Variants in ZNF679 observed in about 807,000 individuals in gnomAD.
The protein encoded by ZNF679 is zinc finger protein 679, also known as hypothetical protein MGC42415.
A neutral mutation model predicts 13.4 loss-of-function variants in ZNF679; 10 were observed. The ratio of observed to expected loss-of-function variants is 0.75; its 90% CI spans 0.46 to 1.27. The LOEUF (loss-of-function observed/expected upper bound fraction) is 1.27, where lower values mean the gene tolerates loss of function less well. ZNF679 is among the 50% of genes most tolerant of loss of function. The pLI, the probability that ZNF679 is intolerant of heterozygous loss-of-function variation, is 0.00. For missense variants in ZNF679, 525 were observed against 477.8 expected (o/e 1.10, Z -0.92); for synonymous variants, 179 against 162.5 (o/e 1.10, Z -0.77).
chr7:64,236,979 GA>G (rs1268834266), intron 1 of ZNF679, among the ~76,000 whole-genome samples: 1 of 64,318 alleles, frequency 1.6e-5, no homozygotes, highest in African/African-American at 6.1e-5. Flanking sequence ...GAAAGAAAAA[GA>G]AAGAAAGAAA....
intron 1 of ZNF679, among the ~76,000 whole-genome samples, chr7:64,240,831 A>G (rs1787789160): frequency 6.6e-6 from 1 of 152,200 alleles, no homozygotes; most frequent in Admixed American, 6.5e-5. Context: ...GATTGAGTTC[A>G]ACTATGCAAG....
chr7:64,240,113 A>G (rs1231676953), intron 1 of ZNF679, among the ~76,000 whole-genome samples: 1 of 152,176 alleles, frequency 6.6e-6, no homozygotes, highest in Non-Finnish European at 1.5e-5. Flanking sequence ...ATTGTGATAT[A>G]TATTGCTTGG....
intron 1 of ZNF679, among the ~76,000 whole-genome samples, chr7:64,236,922 G>GAAGAAAGAAAGAAAGAAAGAAAGAAAGA (rs1290345784): frequency 5.9e-5 from 5 of 85,336 alleles, no homozygotes; most frequent in African/African-American, 1.0e-4. Context: ...AAGAAAGAAA[G>GAAGAAAGAAAGAAAGAAAGAAAGAAAGA]AAGAAAGAAA....
At chr7:64,263,349 C>T (rs1352000521) in intron 4 of ZNF679, among the ~76,000 whole-genome samples, 1 of 152,168 alleles carries the variant, frequency 6.6e-6, no homozygotes, top group African/African-American at 2.4e-5. Context: ...CCTTGGCCTC[C>T]CAAAGTGCTG....
chr7:64,237,064 G>C (rs1360630244), intron 1 of ZNF679, among the ~76,000 whole-genome samples: 2 of 152,076 alleles, frequency 1.3e-5, no homozygotes, highest in Non-Finnish European at 2.9e-5. Context: ...TGAAAAGACT[G>C]GTTAGGGCTA....
intron 1 of ZNF679, among the ~76,000 whole-genome samples, chr7:64,248,615 C>T (rs1344886936): frequency 1.3e-5 from 2 of 152,066 alleles, no homozygotes; most frequent in Non-Finnish European, 2.9e-5. Flanking sequence ...TGGGTGGAGC[C>T]ACAGAGCCAA....
intron 1 of ZNF679, among the ~76,000 whole-genome samples, chr7:64,229,818 G>A (rs1787611790): frequency 6.6e-6 from 1 of 152,104 alleles, no homozygotes. Flanking sequence ...TCAGAGTGTG[G>A]ATCAGGTAAA....
chr7:64,237,687 C>G (rs944221342), intron 1 of ZNF679, among the ~76,000 whole-genome samples: 3 of 152,202 alleles, frequency 2.0e-5, no homozygotes, highest in African/African-American at 7.2e-5. Flanking sequence ...CATCAGGACT[C>G]AGTTCCTCAA....
intron 1 of ZNF679, among the ~76,000 whole-genome samples, chr7:64,239,914 G>A (rs1234428889): frequency 1.3e-5 from 2 of 152,060 alleles, no homozygotes; most frequent in Admixed American, 1.3e-4. Flanking sequence ...GCCCAGTACT[G>A]GGTGAAGTTA....
At chr7:64,264,279 G>A (rs1357768290) in intron 4 of ZNF679, among the ~76,000 whole-genome samples, 1 of 151,652 alleles carries the variant, frequency 6.6e-6, no homozygotes, top group African/African-American at 2.4e-5. Context: ...CAGTTGCATA[G>A]AAAAATTTGT....
chr7:64,229,416 A>G (rs888889336), intron 1 of ZNF679, among the ~76,000 whole-genome samples: 1 of 152,184 alleles, frequency 6.6e-6, no homozygotes, highest in African/African-American at 2.4e-5. Context: ...GAGTTAGTCA[A>G]GAAATGACTT....
At chr7:64,236,921 AGAAGAAAG>A (rs1243340964) in intron 1 of ZNF679, among the ~76,000 whole-genome samples, 1 of 111,974 alleles carries the variant, frequency 8.9e-6, no homozygotes, top group African/African-American at 3.3e-5. Flanking sequence ...AAAGAAAGAA[AGAAGAAAG>A]AAAGAAAGAA....
At chr7:64,231,042 C>A (rs1787631774) in intron 1 of ZNF679, among the ~76,000 whole-genome samples, 1 of 152,146 alleles carries the variant, frequency 6.6e-6, no homozygotes, top group African/African-American at 2.4e-5. Flanking sequence ...GTTGGCCGTG[C>A]CTATGAGAGT....
intron 2 of ZNF679, among the ~76,000 whole-genome samples, chr7:64,259,980 T>C (rs1412848786): frequency 1.3e-5 from 2 of 152,072 alleles, no homozygotes; most frequent in Non-Finnish European, 2.9e-5. Context: ...ATGTGCATAT[T>C]GATGCCCTTA....
At chr7:64,229,638 A>C (rs940500536) in intron 1 of ZNF679, among the ~76,000 whole-genome samples, 1 of 152,166 alleles carries the variant, frequency 6.6e-6, no homozygotes, top group Non-Finnish European at 1.5e-5. Flanking sequence ...TGGACTTTAT[A>C]AAATATTTAT....
chr7:64,237,633 C>T (rs1302114407), intron 1 of ZNF679, among the ~76,000 whole-genome samples: 1 of 152,166 alleles, frequency 6.6e-6, no homozygotes, highest in African/African-American at 2.4e-5. Context: ...GGGTGTTCAA[C>T]AACTCAATTC....
intron 2 of ZNF679, 38 bp downstream of exon 2, chr7:64,249,194 G>A (rs570579532): frequency 2.5e-6 from 4 of 1,614,030 alleles, no homozygotes; most frequent in Admixed American, 1.7e-5. Context: ...GAGGGGTGAG[G>A]GCTGGTTGGA....
At chr7:64,241,758 G>T (rs1168784645) in intron 1 of ZNF679, among the ~76,000 whole-genome samples, 1 of 152,188 alleles carries the variant, frequency 6.6e-6, no homozygotes, top group Non-Finnish European at 1.5e-5. Flanking sequence ...TTGATGATTG[G>T]CCCAGAGATA....
Position 64,266,663 on chromosome 7 carries a change from A to G in ZNF679, c.1030A>G (p.Ile344Val), listed in dbSNP as rs770946833. The G allele has an allele frequency of 6.2e-6, 10 of 1,613,680 alleles. No individual in the cohort carries two copies. Among genetic ancestry groups the G allele is most frequent in the South Asian group, 2.2e-5 (2 of 91,058 alleles). ...NCSSTLKKHKIIHTGEKPYKC... is the reference protein window; with the variant it reads ...NCSSTLKKHKVIHTGEKPYKC... ...CTCCTCAACCCTTAAGAAACATAAG[A>G]TAATTCATACTGGAGAGAAACCCTA... is the stretch of plus-strand genomic sequence containing the variant. Residue 344 changes from isoleucine to valine, a missense_variant, in exon 5 of 5, where the codon ATA (isoleucine) becomes GTA (valine). By Grantham distance (29) the Ile-to-Val change is conservative. Coordinates refer to ENST00000421025, the MANE Select transcript of ZNF679 (RefSeq NM_153363.3).
Sources: allele counts gnomAD v4.1 joint callset (sites outside exome capture counted in the v4.1 genomes callset), GRCh38; gene constraint gnomAD v4.1.1; transcripts MANE v1.5; gene names NCBI Gene and HGNC (gene_info 2026-07-23, HGNC 2026-07-21).